ZNF721: variants seen among roughly 807,000 people sequenced by gnomAD.
ZNF721 encodes the protein zinc finger protein 721.
ZNF721 carries 2 observed loss-of-function variants against 2.4 expected under a neutral mutation model. The ratio of observed to expected loss-of-function variants is 0.82; its 90% CI spans 0.34 to 2.58. The LOEUF (loss-of-function observed/expected upper bound fraction) is 2.58, where lower values mean the gene tolerates loss of function less well. Ranked by LOEUF, ZNF721 falls within the 30% of genes most tolerant of loss-of-function variation. ZNF721 has a pLI of 0.11. For synonymous variants in ZNF721, 398 were observed against 381.8 expected (o/e 1.04, Z -0.50); for missense variants, 1,187 against 1,085.5 (o/e 1.09, Z -1.31).
chr4:454,872 T>C (rs932964894), intron 2 of ZNF721, among the ~76,000 whole-genome samples: 24 of 152,172 alleles, frequency 1.6e-4, no homozygotes, highest in African/African-American at 2.7e-4. Flanking sequence ...CAATAGACAA[T>C]TGCAAAAACA....
intron 2 of ZNF721, among the ~76,000 whole-genome samples, chr4:450,532 G>C (rs926851360): frequency 4.0e-5 from 6 of 151,894 alleles, no homozygotes; most frequent in African/African-American, 7.3e-5. Context: ...TAACATCAAA[G>C]GCTCAGGAAA....
Position 441,581 on chromosome 4 carries a change from T to C in ZNF721, c.*114A>G, listed in dbSNP as rs77288424. 1.1e-3 allele frequency: 884 copies of C among 828,226 alleles called. 5 individuals are homozygous for C. The African/African-American group carries it at 0.014, about 13-fold the overall frequency. The allele number at this position is 828,226 out of a possible 1,614,324, so 51.3% of individuals were successfully genotyped here. ...TGAATTATCTTATGATTAGAAAGGA[T>C]TGAGGAGCATTTAAAGACCGCGACA... On this transcript the variant is annotated 3_prime_UTR_variant, in exon 3 of 3. Coordinates refer to ENST00000511833, the MANE Select transcript of ZNF721 (RefSeq NM_133474.4).
chr4:455,144 G>A (rs1714805826), intron 2 of ZNF721, among the ~76,000 whole-genome samples: 1 of 152,124 alleles, frequency 6.6e-6, no homozygotes. Context: ...ACTGCAATCT[G>A]CTTATTATAT....
Position 442,465 on chromosome 4 carries a change from T to C in ZNF721, c.2002A>G (p.Ser668Gly). 1 of 1,611,456 alleles carries C rather than the reference T, an allele frequency of 6.2e-7. No individual in the cohort carries two copies. The highest frequency in any genetic ancestry group is 8.5e-7 in the Non-Finnish European group (1 of 1,179,132). The change falls in exon 3 of 3, where the codon AGT (serine) becomes GGT (glycine). Residue 668 changes from serine (S) to glycine (G), a missense_variant. Coordinates refer to ENST00000511833, the MANE Select transcript of ZNF721 (RefSeq NM_133474.4). ...TTGCCACACTCTTCACATTTGTAAC[T>C]TTGCTCTCCAGTAAGAATTTTCGTG... is the stretch of plus-strand genomic sequence containing the variant. Reference protein sequence around the residue: ...QHTKILTGEQSYKCEECGKAF... With the variant: ...QHTKILTGEQGYKCEECGKAF...
At chr4:473,334 G>A (rs782234714) in intron 1 of ZNF721, among the ~76,000 whole-genome samples, 18 of 152,070 alleles carry the variant, frequency 1.2e-4, no homozygotes, top group Non-Finnish European at 2.6e-4. Flanking sequence ...GCTAGAGAAA[G>A]CAGACACAGC....
chr4:486,693 C>T (rs1427549014), intron 1 of ZNF721, among the ~76,000 whole-genome samples: 1 of 152,116 alleles, frequency 6.6e-6, no homozygotes, highest in Non-Finnish European at 1.5e-5. Flanking sequence ...TCAACAAATA[C>T]AAAAAATACA....
intron 2 of ZNF721, among the ~76,000 whole-genome samples, chr4:450,162 G>T (rs1553864695): frequency 6.6e-6 from 1 of 151,920 alleles, no homozygotes; most frequent in African/African-American, 2.4e-5. Context: ...TGGAACATAT[G>T]TAAGTTCTAT....
intron 1 of ZNF721, among the ~76,000 whole-genome samples, chr4:480,397 T>A (rs1199747746): frequency 6.6e-6 from 1 of 152,244 alleles, no homozygotes; most frequent in African/African-American, 2.4e-5. Context: ...ATTTCACAAA[T>A]TTTTAACTGT....
rs1276873228 is a variant in ZNF721 at position 439,996 on chromosome 4, CAATAACAATTTTTATTTCAA to C, written c.*1679_*1698del. 3 of 152,072 alleles carry C rather than the reference CAATAACAATTTTTATTTCAA, an allele frequency of 2.0e-5. No individual in the cohort carries two copies. Among genetic ancestry groups the C allele is most frequent in the African/African-American group, 7.2e-5 (3 of 41,404 alleles). 9.4% of individuals were successfully genotyped at this position (152,072 alleles called of 1,614,324 possible). On this transcript the variant is annotated 3_prime_UTR_variant, in exon 3 of 3. Coordinates refer to ENST00000511833, the MANE Select transcript of ZNF721 (RefSeq NM_133474.4). ...CATTCACGGCACAAAAATTTTAACA[CAATAACAATTTTTATTTCAA>C]AAATTAAGTTCACACATTATCTTAA...
chr4:468,160 G>T (rs1553867017), intron 2 of ZNF721, among the ~76,000 whole-genome samples: 1 of 152,042 alleles, frequency 6.6e-6, no homozygotes, highest in African/African-American at 2.4e-5. Flanking sequence ...CCAGCTACTT[G>T]GGGGGCTGAG....
At chr4:446,357 G>A (rs1488991793) in intron 2 of ZNF721, among the ~76,000 whole-genome samples, 4 of 151,362 alleles carry the variant, frequency 2.6e-5, no homozygotes, top group African/African-American at 7.3e-5. Context: ...TAACAAACGA[G>A]GACAGATGTA....
chr4:498,215 GAAA>G (rs797042296), intron 1 of ZNF721, among the ~76,000 whole-genome samples: 16,753 of 83,944 alleles, frequency 0.2, 724 homozygotes, highest in South Asian at 0.28. Flanking sequence ...AAAAGAAAAA[GAAA>G]AAAAAAAAAA....
At chr4:450,719 C>T (rs926950797) in intron 2 of ZNF721, among the ~76,000 whole-genome samples, 47 of 151,604 alleles carry the variant, frequency 3.1e-4, no homozygotes, top group African/African-American at 8.0e-4. Context: ...AGGCACATCA[C>T]GACGTCAGGA....
At chr4:495,942 AT>A (rs1362588641) in intron 1 of ZNF721, among the ~76,000 whole-genome samples, 2 of 152,148 alleles carry the variant, frequency 1.3e-5, no homozygotes, top group African/African-American at 2.4e-5. Context: ...CTTTAAAAAA[AT>A]CTTTTTAAAT....
intron 2 of ZNF721, among the ~76,000 whole-genome samples, chr4:450,937 C>CAAAA (rs781962651): frequency 3.8e-4 from 10 of 26,516 alleles, no homozygotes; most frequent in African/African-American, 1.5e-3. Context: ...ACTCTGTCTC[C>CAAAA]AAAAAAAAAA....
At chr4:474,024 C>T in intron 1 of ZNF721, 3 of 1,501,454 alleles carry the variant, frequency 2.0e-6, no homozygotes, top group Non-Finnish European at 2.7e-6. Flanking sequence ...AGCTACGAAT[C>T]ATCCAATACC....
chr4:483,108 A>C (rs1715811211), intron 1 of ZNF721, among the ~76,000 whole-genome samples: 1 of 152,198 alleles, frequency 6.6e-6, no homozygotes, highest in Admixed American at 6.6e-5. Flanking sequence ...GGGGATGGGG[A>C]AGGAGTTGAA....
intron 2 of ZNF721, among the ~76,000 whole-genome samples, chr4:461,028 C>T (rs1328371779): frequency 1.3e-5 from 2 of 151,992 alleles, no homozygotes; most frequent in Non-Finnish European, 2.9e-5. Flanking sequence ...CAAAGGGGAG[C>T]GAGCTGGTAC....
intron 2 of ZNF721, among the ~76,000 whole-genome samples, chr4:446,738 G>C (rs1448217601): frequency 6.6e-6 from 1 of 151,266 alleles, no homozygotes; most frequent in Non-Finnish European, 1.5e-5. Flanking sequence ...TCTGTTGCCA[G>C]GCTGGAGTGC....
Sources: gnomAD v4.1 joint callset for allele counts (sites outside exome capture counted in the v4.1 genomes callset) on GRCh38, gnomAD v4.1.1 for gene constraint, MANE v1.5 for transcripts, NCBI Gene and HGNC (gene_info 2026-07-23, HGNC 2026-07-21) for gene names.